The following DHRS3 variants were observed in gnomAD, a reference collection of about 807,000 sequenced individuals.
The protein encoded by DHRS3 is short-chain dehydrogenase/reductase 3.
DHRS3 carries 14 observed loss-of-function variants against 27.2 expected under a neutral mutation model. The observed-to-expected ratio is 0.52, with a 90% confidence interval of 0.34 to 0.81. DHRS3 has a LOEUF of 0.81. Among genes scored for constraint, DHRS3 ranks in the 30% least tolerant of loss-of-function variants. DHRS3 has a pLI of 0.01. For synonymous variants in DHRS3, 165 were observed against 175.9 expected (o/e 0.94, Z 0.49); for missense variants, 322 against 406.2 (o/e 0.79, Z 1.78).
chr1:12,591,585 C>T lies in DHRS3; in HGVS notation c.196-10919G>A, dbSNP rs1163375027. Among the ~76,000 whole-genome samples the T allele has an allele frequency of 1.3e-5, 2 of 152,248 alleles. No individual in the cohort carries two copies. Among genetic ancestry groups the T allele is most frequent in the Non-Finnish European group, 2.9e-5 (2 of 68,046 alleles). On this transcript the variant is annotated intron_variant, in intron 1 of 5. Transcript: ENST00000616661. The surrounding 1 kb of genome is among the most constrained non-coding windows in gnomAD (Gnocchi z 4.1). The stretch of plus-strand genomic sequence containing the variant: ...GGCACAGGAATGACAGTAGCTCTGA[C>T]ATGCACGTGGGGCTCACTAGCTGGC...
chr1:12,592,745 C>T lies in DHRS3; in HGVS notation c.196-12079G>A, dbSNP rs1024964974. Among the ~76,000 whole-genome samples, 1 of 152,194 alleles carries T rather than the reference C, an allele frequency of 6.6e-6. No homozygotes were observed. The highest frequency in any genetic ancestry group is 2.4e-5 in the African/African-American group (1 of 41,434). On this transcript the variant is annotated intron_variant, in intron 1 of 5. Transcript: ENST00000616661. The surrounding 1 kb of genome is among the most constrained non-coding windows in gnomAD (Gnocchi z 4.2). ...TCCTCATTCAATAGAGGAGGCCAAG[C>T]GAGGCCCAGCCCCAGGCTCCCGAGG...
intron 1 of DHRS3, among the ~76,000 whole-genome samples, chr1:12,614,702 CTTTTTTT>C (rs70987260): frequency 1.2e-4 from 11 of 92,656 alleles, no homozygotes; most frequent in African/African-American, 1.3e-4. Context: ...CTCTGGTACA[CTTTTTTT>C]TTTTTTTTTT....
intron 1 of DHRS3, among the ~76,000 whole-genome samples, chr1:12,611,752 C>T (rs995752659): frequency 6.6e-6 from 1 of 151,942 alleles, no homozygotes; most frequent in Admixed American, 6.6e-5. Flanking sequence ...TATAGGTGTG[C>T]TTCTCAGCTG....
At position 12,608,652 on chromosome 1, in the gene DHRS3, T is replaced by C. The variant is rs1646887042; in HGVS notation, c.195+8502A>G. ...AAAGGGTAGAAGGGACCTAGGAGGT[T>C]GTCCAGAACCTAACCTCCCCCAGTG... On this transcript the variant is annotated intron_variant, in intron 1 of 5. Transcript: ENST00000616661. The surrounding 1 kb of genome is among the most constrained non-coding windows in gnomAD (Gnocchi z 4.1). Among the ~76,000 whole-genome samples, 1 of 151,960 alleles carries C rather than the reference T, an allele frequency of 6.6e-6. No individual in the cohort carries two copies. Among genetic ancestry groups the C allele is most frequent in the South Asian group, 2.1e-4 (1 of 4,822 alleles).
At chr1:12,580,165 T>A (rs898627213) in intron 2 of DHRS3, 1 of 350,612 alleles carries the variant, frequency 2.9e-6, no homozygotes, top group South Asian at 2.6e-5. Context: ...TGCCAGACAG[T>A]CAGGGTGGGT....
At chr1:12,584,293 T>C (rs1027573657) in intron 1 of DHRS3, among the ~76,000 whole-genome samples, 4 of 152,018 alleles carry the variant, frequency 2.6e-5, no homozygotes, top group Non-Finnish European at 4.4e-5. Flanking sequence ...GGAGAGGAAG[T>C]GGAGCAGGGC....
At chr1:12,604,392 G>T (rs1035440045) in intron 1 of DHRS3, among the ~76,000 whole-genome samples, 2 of 152,192 alleles carry the variant, frequency 1.3e-5, no homozygotes, top group African/African-American at 4.8e-5. Flanking sequence ...CTCTTTAAAA[G>T]AAACCCTGAT....
rs573323561 is a variant in DHRS3 at position 12,603,590 on chromosome 1, C to T, written c.195+13564G>A. Among the ~76,000 whole-genome samples, 15 of 152,166 alleles carry T rather than the reference C, an allele frequency of 9.9e-5. No individual in the cohort carries two copies. The South Asian group carries it at 1.7e-3, about 17-fold the overall frequency. On this transcript the variant is annotated intron_variant, in intron 1 of 5. Coordinates refer to ENST00000616661, the MANE Select transcript of DHRS3 (RefSeq NM_004753.7). ...AACCTGGACCTTGAACCTCAGCTGG[C>T]GCTGAGGTCCGCATGGGGACCGCGG...
At position 12,608,145 on chromosome 1, in the gene DHRS3, G is replaced by T. The variant is rs1646883428; in HGVS notation, c.195+9009C>A. 6.6e-6 allele frequency among the ~76,000 whole-genome samples: 1 copy of T among 152,102 alleles called. No homozygotes were observed. The highest frequency in any genetic ancestry group is 2.4e-5 in the African/African-American group (1 of 41,408). On this transcript the variant is annotated intron_variant, in intron 1 of 5. Transcript: ENST00000616661. The surrounding 1 kb of genome is among the most constrained non-coding windows in gnomAD (Gnocchi z 4.1). ...GCCCGCCTCGGCCTCCCACAGTGCT[G>T]GGAATACAGGAGTGAGCCACTGTGC...
intron 1 of DHRS3, among the ~76,000 whole-genome samples, chr1:12,600,051 A>G (rs966439540): frequency 6.6e-6 from 1 of 152,192 alleles, no homozygotes; most frequent in Non-Finnish European, 1.5e-5. Context: ...CAAGGCATGT[A>G]GGCTCAGAGA....
chr1:12,599,130 T>A (rs1301077682), intron 1 of DHRS3, among the ~76,000 whole-genome samples: 1 of 152,236 alleles, frequency 6.6e-6, no homozygotes, highest in African/African-American at 2.4e-5. Context: ...AGGCTATTAA[T>A]TAGGAATCGG....
chr1:12,569,165 C>T (rs540880178), intron 5 of DHRS3, among the ~76,000 whole-genome samples: 56 of 150,288 alleles, frequency 3.7e-4, no homozygotes, highest in African/African-American at 1.3e-3. Flanking sequence ...TTCGGTGGGC[C>T]GAGATCGCGC....
At chr1:12,587,839 G>T (rs1440808722) in intron 1 of DHRS3, among the ~76,000 whole-genome samples, 2 of 152,156 alleles carry the variant, frequency 1.3e-5, no homozygotes, top group African/African-American at 4.8e-5. Flanking sequence ...CAGCCCTTTG[G>T]GTCCAACCCC....
chr1:12,604,454 A>G (rs1456479773), intron 1 of DHRS3, among the ~76,000 whole-genome samples: 3 of 152,204 alleles, frequency 2.0e-5, no homozygotes, highest in Non-Finnish European at 4.4e-5. Context: ...TTGTATGCAA[A>G]TACTGCTACT....
At chr1:12,590,347 G>C (rs1280453565) in intron 1 of DHRS3, among the ~76,000 whole-genome samples, 1 of 152,182 alleles carries the variant, frequency 6.6e-6, no homozygotes, top group Non-Finnish European at 1.5e-5. Flanking sequence ...TTTCACTCTT[G>C]TTGCCCAGAC....
intron 4 of DHRS3, among the ~76,000 whole-genome samples, chr1:12,573,304 C>G (rs1646555845): frequency 6.6e-6 from 1 of 152,238 alleles, no homozygotes; most frequent in African/African-American, 2.4e-5. Flanking sequence ...CCAGCTCCTC[C>G]TTTGGGAGAC....
At chr1:12,612,287 GA>G (rs1646915798) in intron 1 of DHRS3, among the ~76,000 whole-genome samples, 1 of 152,146 alleles carries the variant, frequency 6.6e-6, no homozygotes, top group Non-Finnish European at 1.5e-5. Flanking sequence ...ACCCACAGAT[GA>G]CCTGTCTGGA....
At chr1:12,616,833 G>C in intron 1 of DHRS3, 7 of 815,814 alleles carry the variant, frequency 8.6e-6, no homozygotes, top group Non-Finnish European at 1.2e-5. Flanking sequence ...GAAGGCGGGG[G>C]AGGGGGGCAC....
chr1:12,595,914 C>G (rs1035573959), intron 1 of DHRS3: 26 of 152,228 alleles, frequency 1.7e-4, no homozygotes, highest in African/African-American at 5.5e-4. Context: ...GTCCCCCTCC[C>G]GCCCCGGGAC....
Sources: allele counts gnomAD v4.1 joint callset (sites outside exome capture counted in the v4.1 genomes callset), GRCh38; gene constraint gnomAD v4.1.1; non-coding constraint Gnocchi (gnomAD v3.1); transcripts MANE v1.5; gene names NCBI Gene and HGNC (gene_info 2026-07-23, HGNC 2026-07-21).